Variants in ARHGAP24 observed in about 807,000 individuals in gnomAD.
ARHGAP24 encodes the protein rho GTPase-activating protein 24.
In ARHGAP24, 50 loss-of-function variants were observed where a neutral mutation model predicts 76.4. The observed-to-expected ratio is 0.65, with a 90% CI of 0.52 to 0.83. ARHGAP24 has a LOEUF of 0.83. Among genes scored for constraint, ARHGAP24 ranks in the 40% least tolerant of loss-of-function variants. The probability of loss-of-function intolerance (pLI) is 0.00; values close to 1 mark genes in which losing one functional copy is unlikely to be tolerated. For missense variants in ARHGAP24, 930 were observed against 914.2 expected (o/e 1.02, Z -0.22); for synonymous variants, 345 against 323.3 (o/e 1.07, Z -0.72).
intron 2 of ARHGAP24, among the ~76,000 whole-genome samples, chr4:85,585,036 A>T (rs759474876): frequency 6.6e-6 from 1 of 152,162 alleles, no homozygotes; most frequent in African/African-American, 2.4e-5. Context: ...CCATCTACTT[A>T]TATCTAATCC....
intron 3 of ARHGAP24, among the ~76,000 whole-genome samples, chr4:85,854,135 C>CAAAAAAAAAAAA (rs35799327): frequency 2.3e-5 from 2 of 85,556 alleles, no homozygotes; most frequent in Admixed American, 1.4e-4. Flanking sequence ...GACTCTGTCT[C>CAAAAAAAAAAAA]AAAAAAAAAA....
chr4:85,489,365 T>C (rs1197351990), intron 1 of ARHGAP24, among the ~76,000 whole-genome samples: 1 of 152,204 alleles, frequency 6.6e-6, no homozygotes, highest in Non-Finnish European at 1.5e-5. Flanking sequence ...TGTGCAGGGC[T>C]TTTATTATCT....
intron 2 of ARHGAP24, among the ~76,000 whole-genome samples, chr4:85,624,442 G>A (rs1231231691): frequency 6.6e-6 from 1 of 152,210 alleles, no homozygotes; most frequent in East Asian, 1.9e-4. Flanking sequence ...AAGCCCACTT[G>A]ATTATGGTGG....
chr4:85,523,164 T>C (rs1560518871), intron 1 of ARHGAP24, among the ~76,000 whole-genome samples: 2 of 152,306 alleles, frequency 1.3e-5, no homozygotes, highest in East Asian at 3.9e-4. Flanking sequence ...TGTCAGATAA[T>C]AAAGAAGGCT....
intron 8 of ARHGAP24, among the ~76,000 whole-genome samples, chr4:85,978,632 A>C (rs930237939): frequency 6.6e-6 from 1 of 152,172 alleles, no homozygotes; most frequent in African/African-American, 2.4e-5. Context: ...AGAAGCTTGG[A>C]GATACATTAG....
At chr4:85,666,550 C>A (rs1722626342) in intron 2 of ARHGAP24, among the ~76,000 whole-genome samples, 1 of 152,152 alleles carries the variant, frequency 6.6e-6, no homozygotes. Flanking sequence ...AACTGCATTC[C>A]TTTGGAGGAG....
chr4:85,747,654 G>A (rs889032608), intron 3 of ARHGAP24, among the ~76,000 whole-genome samples: 2 of 152,208 alleles, frequency 1.3e-5, no homozygotes, highest in Non-Finnish European at 2.9e-5. Context: ...AGTGAGCCGA[G>A]ATTGTGCCAC....
At chr4:85,820,028 G>C (rs1356022398) in intron 3 of ARHGAP24, among the ~76,000 whole-genome samples, 3 of 152,124 alleles carry the variant, frequency 2.0e-5, no homozygotes, top group Non-Finnish European at 4.4e-5. Flanking sequence ...TTTCTTTGTA[G>C]CAATGCGAGA....
intron 2 of ARHGAP24, among the ~76,000 whole-genome samples, chr4:85,628,048 G>T (rs558844457): frequency 1.4e-3 from 217 of 152,302 alleles, no homozygotes; most frequent in Non-Finnish European, 2.6e-3. Flanking sequence ...GCCTCGCCCT[G>T]CTTCGGCTTG....
At chr4:85,693,412 A>G (rs1310158241) in intron 2 of ARHGAP24, among the ~76,000 whole-genome samples, 2 of 152,156 alleles carry the variant, frequency 1.3e-5, no homozygotes, top group Non-Finnish European at 2.9e-5. Flanking sequence ...CTGCCAGCCC[A>G]CAGACCCCCA....
At chr4:85,878,213 A>G (rs1733043730) in intron 3 of ARHGAP24, among the ~76,000 whole-genome samples, 1 of 152,150 alleles carries the variant, frequency 6.6e-6, no homozygotes, top group South Asian at 2.1e-4. Flanking sequence ...ATGATGGTAG[A>G]TAGATATGTA....
At chr4:85,480,860 A>G (rs1722789176) in intron 1 of ARHGAP24, among the ~76,000 whole-genome samples, 1 of 152,214 alleles carries the variant, frequency 6.6e-6, no homozygotes, top group Non-Finnish European at 1.5e-5. Flanking sequence ...TGTCGCTGAG[A>G]AGGGTAAGAG....
At chr4:85,684,670 A>G (rs1723354116) in intron 2 of ARHGAP24, among the ~76,000 whole-genome samples, 1 of 152,196 alleles carries the variant, frequency 6.6e-6, no homozygotes, top group Admixed American at 6.5e-5. Flanking sequence ...AGCTACACCC[A>G]TGTTTCTTTC....
At chr4:85,850,657 C>T (rs971045894) in intron 3 of ARHGAP24, among the ~76,000 whole-genome samples, 11 of 152,142 alleles carry the variant, frequency 7.2e-5, no homozygotes, top group African/African-American at 2.7e-4. Context: ...TGTCTTTGTT[C>T]TCATTGGTTT....
At chr4:85,973,256 T>G (rs1159802055) in intron 6 of ARHGAP24, among the ~76,000 whole-genome samples, 1 of 152,268 alleles carries the variant, frequency 6.6e-6, no homozygotes, top group Non-Finnish European at 1.5e-5. Flanking sequence ...CATTGAAGGT[T>G]GAATGGCATT....
chr4:85,933,280 TA>T (rs1251680895), intron 4 of ARHGAP24, among the ~76,000 whole-genome samples: 5 of 152,054 alleles, frequency 3.3e-5, no homozygotes, highest in Non-Finnish European at 5.9e-5. Flanking sequence ...AAAATATATA[TA>T]TTTTTTTACT....
intron 3 of ARHGAP24, among the ~76,000 whole-genome samples, chr4:85,904,581 T>A (rs1227732401): frequency 6.6e-6 from 1 of 152,222 alleles, no homozygotes; most frequent in Admixed American, 6.5e-5. Context: ...TACTACCAAT[T>A]TTTAATGCAA....
chr4:85,623,615 C>T (rs1363360141), intron 2 of ARHGAP24, among the ~76,000 whole-genome samples: 1 of 151,746 alleles, frequency 6.6e-6, no homozygotes, highest in East Asian at 1.9e-4. Flanking sequence ...TAGTTTTTTC[C>T]AATTCTGTGA....
intron 2 of ARHGAP24, among the ~76,000 whole-genome samples, chr4:85,684,772 A>T (rs1723357444): frequency 6.6e-6 from 1 of 152,286 alleles, no homozygotes; most frequent in South Asian, 2.1e-4. Flanking sequence ...TTTAGTTGTT[A>T]GTGTCTAATA....
Sources: gnomAD v4.1 joint callset for allele counts (sites outside exome capture counted in the v4.1 genomes callset) on GRCh38, gnomAD v4.1.1 for gene constraint, MANE v1.5 for transcripts, NCBI Gene and HGNC (gene_info 2026-07-23, HGNC 2026-07-21) for gene names.